PARP9: variants seen among roughly 807,000 people sequenced by gnomAD.
PARP9 encodes poly(ADP-ribose) polymerase family member 9.
A neutral mutation model predicts 68.8 loss-of-function variants in PARP9; 48 were observed. The ratio of observed to expected loss-of-function variants is 0.70; its 90% confidence interval spans 0.55 to 0.89. PARP9 has a LOEUF of 0.89. Ranked by LOEUF, PARP9 falls within the 40% of genes least tolerant of loss-of-function variation. PARP9 has a pLI of 0.00. For missense variants in PARP9, 806 were observed against 969.3 expected (o/e 0.83, Z 2.24); for synonymous variants, 309 against 333.8 (o/e 0.93, Z 0.81).
At chr3:122,535,534 T>C in intron 10 of PARP9, 2 of 985,418 alleles carry the variant, frequency 2.0e-6, no homozygotes, top group Non-Finnish European at 2.4e-6. Flanking sequence ...TGGAGAGAAC[T>C]AAAGCCAGAA....
At chr3:122,532,193 G>A in intron 10 of PARP9, 2 of 985,424 alleles carry the variant, frequency 2.0e-6, no homozygotes, top group Non-Finnish European at 2.4e-6. Context: ...CTTGGAGGAT[G>A]AACATGCTCA....
At position 122,558,633 on chromosome 3, in the gene PARP9, A is replaced by T. The variant is rs985378853; in HGVS notation, c.16-166T>A. On this transcript the variant is annotated intron_variant, in intron 2 of 10. Transcript: ENST00000682323. ...TTTTTTAAATCTGCATGCCCGAAAC[A>T]CTTAAAATACTAAATGTGCCAGCAA... Among the ~76,000 whole-genome samples the T allele has an allele frequency of 2.0e-5, 3 of 152,198 alleles. No individual in the cohort carries two copies. The South Asian group carries it at 6.2e-4, about 31-fold the overall frequency.
At chr3:122,533,841 G>C (rs2077463152) in intron 10 of PARP9, 2 of 985,330 alleles carry the variant, frequency 2.0e-6, no homozygotes, top group Admixed American at 1.2e-4. Flanking sequence ...TGTCTCCTTT[G>C]CCTGTGGGTG....
chr3:122,563,556 C>T (rs915079926), intron 1 of PARP9, among the ~76,000 whole-genome samples: 7 of 152,166 alleles, frequency 4.6e-5, no homozygotes, highest in Non-Finnish European at 7.3e-5. Context: ...AATGAACCTA[C>T]TGGCTCCCAT....
intron 1 of PARP9, among the ~76,000 whole-genome samples, chr3:122,561,973 G>A (rs962889264): frequency 2.6e-5 from 4 of 151,710 alleles, no homozygotes; most frequent in African/African-American, 9.7e-5. Context: ...CTACAGCTCA[G>A]TAAATGATAA....
In PARP9 at chr3:122,555,980, A is replaced by G. The variant is rs1412331117; in HGVS notation, c.191T>C (p.Val64Ala). 6.2e-7 allele frequency: 1 copy of G among 1,613,932 alleles called. No individual in the cohort carries two copies. Among genetic ancestry groups the G allele is most frequent in the South Asian group, 1.1e-5 (1 of 91,074 alleles). The change falls in exon 4 of 11, where the codon GTT (valine) becomes GCT (alanine). Residue 64 changes from valine (V) to alanine (A), a missense_variant. Physicochemically the swap from Val to Ala is moderately conservative, Grantham distance 64. Coordinates refer to ENST00000682323, the MANE Select transcript of PARP9 (RefSeq NM_001146105.2). ...FGCISTLVSP[V>A]QEGNSKSLQV... ...CAGAGATTTGCTGTTGCCTTCCTGA[A>G]CTGGAGAGACCAGGGTAGAGATACA...
chr3:122,532,794 G>C (rs993304699), intron 10 of PARP9: 2 of 152,212 alleles, frequency 1.3e-5, no homozygotes, highest in African/African-American at 4.8e-5. Context: ...CACTGAAAAG[G>C]GCAAGGAGGG....
chr3:122,551,140 C>G (rs1227758212), intron 5 of PARP9, among the ~76,000 whole-genome samples: 1 of 152,162 alleles, frequency 6.6e-6, no homozygotes, highest in Non-Finnish European at 1.5e-5. Flanking sequence ...AGGTCAACGT[C>G]AAGAGCCCTT....
At position 122,533,832 on chromosome 3, in the gene PARP9, G is replaced by C. The variant is rs542833159; in HGVS notation, c.2080+2336C>G. 24 of 985,450 alleles carry C rather than the reference G, an allele frequency of 2.4e-5. No homozygotes were observed. The South Asian group carries it at 1.0e-3, about 42-fold the overall frequency. The allele number at this position is 985,450 out of a possible 1,614,324, so 61.0% of individuals were successfully genotyped here. A position where few individuals can be genotyped will look rare whatever the true frequency, so the allele number is the denominator to read the frequency against. ...ATAAAGGTTTGTTAACAGAAGTTCTGTCTCCTTTGCCTGTGGGTGGCCATC... is the reference window on the plus strand; with the variant it reads ...ATAAAGGTTTGTTAACAGAAGTTCTCTCTCCTTTGCCTGTGGGTGGCCATC... On this transcript the variant is annotated intron_variant, in intron 10 of 10. Transcript: ENST00000682323.
chr3:122,536,786 C>A (rs566386073), intron 9 of PARP9, 148 bp downstream of exon 9: 3 of 935,108 alleles, frequency 3.2e-6, no homozygotes, highest in African/African-American at 3.3e-5. Context: ...CCTGCCCTGC[C>A]CTGCTCTCTT....
intron 2 of PARP9, among the ~76,000 whole-genome samples, chr3:122,558,904 G>A (rs575970703): frequency 3.3e-5 from 5 of 152,156 alleles, no homozygotes; most frequent in Middle Eastern, 6.8e-3. Context: ...AGAGATGAGC[G>A]GAGTCTTGCT....
intron 1 of PARP9, among the ~76,000 whole-genome samples, chr3:122,560,957 A>G (rs2080152646): frequency 6.6e-6 from 1 of 152,210 alleles, no homozygotes; most frequent in South Asian, 2.1e-4. Flanking sequence ...ATGGATAGCC[A>G]AACAAGGAGC....
chr3:122,538,903 A>G (rs191459011), intron 8 of PARP9, among the ~76,000 whole-genome samples: 88 of 151,962 alleles, frequency 5.8e-4, no homozygotes, highest in Non-Finnish European at 9.7e-4. Context: ...TAAATACAAC[A>G]TTTATGGCGA....
In PARP9 at chr3:122,545,451, C is replaced by T. The variant is rs2078630825; in HGVS notation, c.1365G>A (p.Leu455=). Residue 455 remains leucine, a synonymous_variant, in exon 7 of 11, where the codon CTG becomes CTA. Coordinates refer to ENST00000682323, the MANE Select transcript of PARP9 (RefSeq NM_001146105.2). Reference sequence around the variant, plus strand: ...ACTCACCACTGTAATTGTTCAAACTCAGCATCTTGGACCTCTTTGCCATTT... The same window carrying T: ...ACTCACCACTGTAATTGTTCAAACTTAGCATCTTGGACCTCTTTGCCATTT... ...SSEMAKRSKM[L]SLNNYSVPQS... 1 of 1,614,226 alleles carries T rather than the reference C, an allele frequency of 6.2e-7. No individual in the cohort carries two copies.
chr3:122,545,187 T>C (rs533675622), intron 7 of PARP9, among the ~76,000 whole-genome samples: 26 of 152,294 alleles, frequency 1.7e-4, no homozygotes, highest in Non-Finnish European at 2.9e-4. Context: ...TATTTATGAA[T>C]CAACCACCCA....
chr3:122,546,881 G>A (rs746825470), intron 6 of PARP9, among the ~76,000 whole-genome samples: 10 of 148,390 alleles, frequency 6.7e-5, no homozygotes, highest in Admixed American at 1.4e-4. Context: ...AAATGGAGAC[G>A]ACAACAGTGG....
At chr3:122,549,501 C>A (rs535917928) in intron 6 of PARP9, among the ~76,000 whole-genome samples, 1 of 152,216 alleles carries the variant, frequency 6.6e-6, no homozygotes, top group South Asian at 2.1e-4. Context: ...AGAAGACAGG[C>A]CAGGCATATT....
chr3:122,530,683 C>T (rs556100432), intron 10 of PARP9, among the ~76,000 whole-genome samples: 1 of 152,204 alleles, frequency 6.6e-6, no homozygotes, highest in African/African-American at 2.4e-5. Flanking sequence ...CATTTCTTCC[C>T]TCTCTTTCTT....
chr3:122,540,174 C>T (rs567416897), intron 8 of PARP9, among the ~76,000 whole-genome samples: 1 of 152,316 alleles, frequency 6.6e-6, no homozygotes, highest in Admixed American at 6.5e-5. Context: ...GTATACTTTT[C>T]CCCATGGCTT....
Sources: allele counts gnomAD v4.1 joint callset (sites outside exome capture counted in the v4.1 genomes callset), GRCh38; gene constraint gnomAD v4.1.1; transcripts MANE v1.5; gene names NCBI Gene and HGNC (gene_info 2026-07-23, HGNC 2026-07-21).